Variants in THSD4 observed in about 807,000 individuals in gnomAD.
THSD4 encodes the protein thrombospondin type 1 domain containing 4.
THSD4 carries 69 observed loss-of-function variants against 119.0 expected under a neutral mutation model. The observed-to-expected ratio is 0.58, with a 90% confidence interval of 0.48 to 0.71. The LOEUF is 0.71. Among genes scored for constraint, THSD4 ranks in the 30% least tolerant of loss-of-function variants. The pLI, the probability that THSD4 is intolerant of heterozygous loss-of-function variation, is 0.00. For synonymous variants in THSD4, 524 were observed against 540.4 expected, an observed-to-expected ratio of 0.97 and a Z score of 0.42; for missense variants, 1,393 against 1,391.1, an observed-to-expected ratio of 1.00 and a Z score of -0.02.
chr15:71,258,920 C>A (rs1020945797), intron 6 of THSD4, among the ~76,000 whole-genome samples: 2 of 151,924 alleles, frequency 1.3e-5, no homozygotes, highest in Admixed American at 6.6e-5. Context: ...TCAAGACCAG[C>A]CTGACCAACA....
intron 7 of THSD4, among the ~76,000 whole-genome samples, chr15:71,415,357 T>G (rs1267048074): frequency 6.6e-6 from 1 of 152,248 alleles, no homozygotes; most frequent in Non-Finnish European, 1.5e-5. Flanking sequence ...TTTATCCAGT[T>G]CTGGAGCTCC....
chr15:71,584,334 C>T (rs914574326), intron 7 of THSD4, among the ~76,000 whole-genome samples: 1 of 124,868 alleles, frequency 8.0e-6, no homozygotes, highest in Non-Finnish European at 1.6e-5. Context: ...GTGGCATGAT[C>T]TCGGCTCACT....
intron 6 of THSD4, among the ~76,000 whole-genome samples, chr15:71,347,817 C>T (rs1045827202): frequency 6.6e-6 from 1 of 152,318 alleles, no homozygotes; most frequent in East Asian, 1.9e-4. Context: ...GTTCTCCTAA[C>T]TTAACATTGA....
At chr15:71,775,554 GA>G (rs906768269) in intron 17 of THSD4, among the ~76,000 whole-genome samples, 12 of 151,338 alleles carry the variant, frequency 7.9e-5, no homozygotes, top group Non-Finnish European at 1.5e-5. Flanking sequence ...CTAAAAATAC[GA>G]AAAAAATTAG....
chr15:71,306,545 G>T (rs553864975), intron 6 of THSD4, among the ~76,000 whole-genome samples: 7 of 152,182 alleles, frequency 4.6e-5, no homozygotes, highest in Non-Finnish European at 8.8e-5. Flanking sequence ...ATGAAAAAAG[G>T]GTTTGGAAAG....
chr15:71,266,504 A>C (rs1194669301), intron 6 of THSD4, among the ~76,000 whole-genome samples: 1 of 152,194 alleles, frequency 6.6e-6, no homozygotes, highest in Non-Finnish European at 1.5e-5. Context: ...AAGATGAGGA[A>C]AAATCAGTGC....
intron 2 of THSD4, among the ~76,000 whole-genome samples, chr15:71,152,015 G>A (rs1389219974): frequency 6.6e-6 from 1 of 152,138 alleles, no homozygotes; most frequent in African/African-American, 2.4e-5. Context: ...TGCTGCTCTA[G>A]ATCCTCAGCA....
intron 4 of THSD4, among the ~76,000 whole-genome samples, chr15:71,229,945 A>G (rs571395463): frequency 1.3e-5 from 2 of 152,368 alleles, no homozygotes; most frequent in African/African-American, 2.4e-5. Flanking sequence ...AGCATATGAG[A>G]GAAATACCAT....
At chr15:71,604,341 T>C (rs1392108268) in intron 7 of THSD4, among the ~76,000 whole-genome samples, 2 of 152,240 alleles carry the variant, frequency 1.3e-5, no homozygotes, top group Non-Finnish European at 2.9e-5. Context: ...TATAACACTT[T>C]GTAATTTACA....
At chr15:71,599,579 G>A (rs999459050) in intron 7 of THSD4, among the ~76,000 whole-genome samples, 1 of 152,190 alleles carries the variant, frequency 6.6e-6, no homozygotes, top group Non-Finnish European at 1.5e-5. Flanking sequence ...CTTAAACCAG[G>A]AATGCTGCCC....
At chr15:71,667,120 C>T (rs919048349) in intron 8 of THSD4, among the ~76,000 whole-genome samples, 3 of 152,196 alleles carry the variant, frequency 2.0e-5, no homozygotes, top group Non-Finnish European at 2.9e-5. Context: ...TGTTTACATG[C>T]TCCAAAATAT....
intron 7 of THSD4, among the ~76,000 whole-genome samples, chr15:71,570,552 G>A (rs924965498): frequency 2.0e-5 from 3 of 152,130 alleles, no homozygotes; most frequent in East Asian, 3.9e-4. Flanking sequence ...GACTCCAGGT[G>A]CACACCACCA....
intron 7 of THSD4, among the ~76,000 whole-genome samples, chr15:71,626,966 C>T (rs1191767852): frequency 6.6e-6 from 1 of 152,106 alleles, no homozygotes; most frequent in Non-Finnish European, 1.5e-5. Flanking sequence ...AAACTGTCTA[C>T]GTCTAATATT....
chr15:71,655,776 C>T (rs1219876277), intron 7 of THSD4, among the ~76,000 whole-genome samples: 1 of 152,184 alleles, frequency 6.6e-6, no homozygotes, highest in Non-Finnish European at 1.5e-5. Context: ...CGGAAAGAGT[C>T]TAGACATAGG....
chr15:71,746,939 C>T lies in THSD4; in HGVS notation c.2138C>T (p.Thr713Met), dbSNP rs760657259. Residue 713 changes from threonine to methionine, a missense_variant, in exon 13 of 18, where the codon ACG (threonine) becomes ATG (methionine). Physicochemically the swap from Thr to Met is moderately conservative, Grantham distance 81. Coordinates refer to ENST00000261862, the MANE Select transcript of THSD4 (RefSeq NM_024817.3). ...CAGGTGTACGCCAACCGCAGCCTGA[C>T]GGTGCAGCCCTACCGCTGCCAGCAC... ...CRQVYANRSLTVQPYRCQHLE... is the reference protein window; with the variant it reads ...CRQVYANRSLMVQPYRCQHLE... The T allele has an allele frequency of 3.4e-5, 55 of 1,613,752 alleles. No homozygotes were observed. Among genetic ancestry groups the T allele is most frequent in the East Asian group, 1.3e-4 (6 of 44,890 alleles).
intron 7 of THSD4, among the ~76,000 whole-genome samples, chr15:71,550,449 A>G (rs1309365000): frequency 1.3e-5 from 2 of 152,112 alleles, no homozygotes; most frequent in Non-Finnish European, 2.9e-5. Flanking sequence ...TAATTTTCTT[A>G]TTTTTGAGAC....
At chr15:71,384,748 C>T (rs1338962160) in intron 6 of THSD4, among the ~76,000 whole-genome samples, 2 of 152,148 alleles carry the variant, frequency 1.3e-5, no homozygotes, top group Non-Finnish European at 2.9e-5. Context: ...TGGAACCATC[C>T]ACATAACGGC....
At chr15:71,416,134 A>T (rs749620421) in intron 7 of THSD4, among the ~76,000 whole-genome samples, 2 of 152,208 alleles carry the variant, frequency 1.3e-5, no homozygotes, top group Non-Finnish European at 2.9e-5. Context: ...ATTTCACTTA[A>T]CATAATGACC....
At chr15:71,630,976 T>G (rs1254782627) in intron 7 of THSD4, among the ~76,000 whole-genome samples, 1 of 152,196 alleles carries the variant, frequency 6.6e-6, no homozygotes, top group Non-Finnish European at 1.5e-5. Flanking sequence ...CCCCACCAGA[T>G]GCCATCATGC....
Sources: gnomAD v4.1 joint callset for allele counts (sites outside exome capture counted in the v4.1 genomes callset) on GRCh38, gnomAD v4.1.1 for gene constraint, MANE v1.5 for transcripts, NCBI Gene and HGNC (gene_info 2026-07-23, HGNC 2026-07-21) for gene names.